THSD7A: variants seen among roughly 807,000 people sequenced by gnomAD.
THSD7A encodes the protein thrombospondin type-1 domain-containing protein 7A.
A neutral mutation model predicts 231.3 loss-of-function variants in THSD7A; 96 were observed. The ratio of observed to expected loss-of-function variants is 0.41; its 90% confidence interval spans 0.35 to 0.49. The LOEUF (loss-of-function observed/expected upper bound fraction) is 0.49. THSD7A is among the 20% of genes least tolerant of loss of function. The pLI, the probability that THSD7A is intolerant of heterozygous loss-of-function variation, is 0.05. For synonymous variants in THSD7A, 940 were observed against 743.3 expected (o/e 1.26, Z -4.30); for missense variants, 2,290 against 2,070.2 (o/e 1.11, Z -2.06).
chr7:11,810,846 C>A (rs1190024842), intron 1 of THSD7A, among the ~76,000 whole-genome samples: 1 of 152,016 alleles, frequency 6.6e-6, no homozygotes, highest in Non-Finnish European at 1.5e-5. Context: ...TGTAGAAAAC[C>A]ATTCAGAAAA....
intron 23 of THSD7A, among the ~76,000 whole-genome samples, chr7:11,396,240 G>C (rs1160819072): frequency 6.6e-6 from 1 of 152,086 alleles, no homozygotes; most frequent in African/African-American, 2.4e-5. Context: ...AAAAGAACTA[G>C]AGAAGCAAGA....
At chr7:11,500,103 C>A (rs974053264) in intron 6 of THSD7A, among the ~76,000 whole-genome samples, 15 of 152,124 alleles carry the variant, frequency 9.9e-5, no homozygotes, top group African/African-American at 3.4e-4. Flanking sequence ...GAATCTCAGT[C>A]AGGCTAAGAA....
At chr7:11,658,256 G>A (rs1174076193) in intron 1 of THSD7A, among the ~76,000 whole-genome samples, 4 of 151,700 alleles carry the variant, frequency 2.6e-5, no homozygotes, top group East Asian at 1.9e-4. Context: ...TGAAAATGAA[G>A]ACATAACAGC....
intron 1 of THSD7A, among the ~76,000 whole-genome samples, chr7:11,661,603 T>C (rs76138417): frequency 6.6e-6 from 1 of 150,794 alleles, no homozygotes; most frequent in East Asian, 1.9e-4. Flanking sequence ...ATTGGAGGAA[T>C]AGGAGAAAAT....
intron 1 of THSD7A, among the ~76,000 whole-genome samples, chr7:11,686,845 T>C (rs550042719): frequency 2.0e-5 from 3 of 151,480 alleles, no homozygotes; most frequent in African/African-American, 7.3e-5. Flanking sequence ...GGGGAAAGGG[T>C]TGGAAATGTT....
At chr7:11,597,144 C>T (rs1245528205) in intron 2 of THSD7A, among the ~76,000 whole-genome samples, 1 of 152,178 alleles carries the variant, frequency 6.6e-6, no homozygotes, top group Admixed American at 6.5e-5. Flanking sequence ...CATTTGCATG[C>T]TAGAGGATGG....
intron 1 of THSD7A, among the ~76,000 whole-genome samples, chr7:11,719,198 T>C (rs1366281328): frequency 6.6e-6 from 1 of 151,518 alleles, no homozygotes; most frequent in Non-Finnish European, 1.5e-5. Context: ...TTTATTCTCT[T>C]CTCTGGGTTC....
At position 11,456,987 on chromosome 7, in the gene THSD7A, C is replaced by A. The variant is rs968014308; in HGVS notation, c.2605+3675G>T. On this transcript the variant is annotated intron_variant, in intron 11 of 27. Transcript: ENST00000423059. ...GGACACAATAATTTAAAGTTAATAA[C>A]ATTTAAGTTAAATTCTTTAAAAGAA... 2.0e-5 allele frequency among the ~76,000 whole-genome samples: 3 copies of A among 152,122 alleles called. No individual in the cohort carries two copies. The East Asian group carries it at 5.8e-4, about 29-fold the overall frequency.
At chr7:11,535,707 G>C (rs900094152) in intron 6 of THSD7A, among the ~76,000 whole-genome samples, 4 of 152,050 alleles carry the variant, frequency 2.6e-5, no homozygotes, top group African/African-American at 7.2e-5. Flanking sequence ...GCATTTAAAA[G>C]AAGTTTTTTC....
intron 2 of THSD7A, among the ~76,000 whole-genome samples, chr7:11,611,352 CATT>C (rs1780914885): frequency 6.6e-6 from 1 of 151,800 alleles, no homozygotes; most frequent in African/African-American, 2.4e-5. Context: ...ATTTTTAAAT[CATT>C]ATTAAATCAG....
At chr7:11,425,251 C>T (rs2115416674) in intron 15 of THSD7A, among the ~76,000 whole-genome samples, 1 of 152,214 alleles carries the variant, frequency 6.6e-6, no homozygotes, top group South Asian at 2.1e-4. Context: ...ATTGATGAAT[C>T]AAATAAGTAT....
chr7:11,519,877 T>A (rs1408660964), intron 6 of THSD7A, among the ~76,000 whole-genome samples: 1 of 152,216 alleles, frequency 6.6e-6, no homozygotes, highest in Non-Finnish European at 1.5e-5. Context: ...ACTCTTAAGC[T>A]ATTGGCTCTT....
chr7:11,437,347 A>C (rs940325579), intron 13 of THSD7A, among the ~76,000 whole-genome samples: 2 of 152,030 alleles, frequency 1.3e-5, no homozygotes, highest in African/African-American at 4.8e-5. Context: ...GCTGATCTCC[A>C]CACCTTATTT....
rs754092818 is a variant in THSD7A, at chr7:11,831,827, TAGC to T, written c.117_119del (p.Leu40del). On this transcript the variant is annotated inframe_deletion, in exon 1 of 28. Transcript: ENST00000423059. This position sits in a 1 kb window ranked among gnomAD's most constrained non-coding sequence, Gnocchi z 5.0. ...CCGCAGCCCTGCCGGCGCCCGGGCGTAGCAGCAGCAGCAGGAGCAGCGGCAGCG... is the reference window on the plus strand; with the variant it reads ...CCGCAGCCCTGCCGGCGCCCGGGCGTAGCAGCAGCAGGAGCAGCGGCAGCG... 188 of 1,432,902 alleles carry T rather than the reference TAGC, an allele frequency of 1.3e-4. No homozygotes were observed. Among genetic ancestry groups the T allele is most frequent in the South Asian group, 6.6e-4 (41 of 62,374 alleles). The allele number at this position is 1,432,902 out of a possible 1,614,324, so 88.8% of individuals were successfully genotyped here. A position where few individuals can be genotyped will look rare whatever the true frequency, so the allele number is the denominator to read the frequency against.
At chr7:11,769,153 A>ATATATATATATATAT in intron 1 of THSD7A, among the ~76,000 whole-genome samples, 4 of 27,646 alleles carry the variant, frequency 1.4e-4, no homozygotes, top group Non-Finnish European at 2.1e-4. Flanking sequence ...ATATATATAT[A>ATATATATATATATAT]TTTTTTTTTT....
intron 13 of THSD7A, among the ~76,000 whole-genome samples, chr7:11,442,193 T>C (rs1352035708): frequency 1.3e-5 from 2 of 152,054 alleles, no homozygotes; most frequent in Non-Finnish European, 2.9e-5. Context: ...AATACTATAA[T>C]ATCTGATTTT....
At chr7:11,805,325 C>T (rs1353055872) in intron 1 of THSD7A, among the ~76,000 whole-genome samples, 2 of 152,116 alleles carry the variant, frequency 1.3e-5, no homozygotes, top group Admixed American at 6.6e-5. Context: ...AAACATTATA[C>T]ATTAATTATT....
At chr7:11,737,378 G>A (rs1434690892) in intron 1 of THSD7A, among the ~76,000 whole-genome samples, 4 of 151,936 alleles carry the variant, frequency 2.6e-5, no homozygotes, top group Non-Finnish European at 4.4e-5. Context: ...TCTTAGCCAG[G>A]CTTGATGTGT....
At chr7:11,745,612 A>G (rs11974175) in intron 1 of THSD7A, among the ~76,000 whole-genome samples, 5,032 of 152,086 alleles carry the variant, frequency 0.033, 295 homozygotes, top group African/African-American at 0.11. Flanking sequence ...ATCTTGAATT[A>G]ATTTTTGTAC....
Sources: gnomAD v4.1 joint callset for allele counts (sites outside exome capture counted in the v4.1 genomes callset) on GRCh38, gnomAD v4.1.1 for gene constraint, Gnocchi (gnomAD v3.1) non-coding constraint, MANE v1.5 for transcripts, NCBI Gene and HGNC (gene_info 2026-07-23, HGNC 2026-07-21) for gene names.